The following ADAM23 variants were observed in gnomAD, a reference collection of about 807,000 sequenced individuals.
The protein encoded by ADAM23 is disintegrin and metalloproteinase domain-containing protein 23.
In ADAM23, 33 loss-of-function variants were observed where a neutral mutation model predicts 120.1. The ratio of observed to expected loss-of-function variants is 0.27; its 90% CI spans 0.21 to 0.37. The LOEUF is 0.37. Among genes scored for constraint, ADAM23 ranks in the 10% least tolerant of loss-of-function variants. The pLI is 1.00. For synonymous variants in ADAM23, 367 were observed against 375.2 expected, an observed-to-expected ratio of 0.98 and a Z score of 0.25; for missense variants, 862 against 1,058.2, an observed-to-expected ratio of 0.81 and a Z score of 2.57.
At chr2:206,449,865 C>T (rs777915647) in intron 2 of ADAM23, among the ~76,000 whole-genome samples, 24 of 152,154 alleles carry the variant, frequency 1.6e-4, no homozygotes, top group Non-Finnish European at 2.5e-4. Context: ...TGGAGATGCA[C>T]GATGCATAGC....
intron 16 of ADAM23, 96 bp downstream of exon 16, chr2:206,570,907 T>TA (rs1246591522): frequency 9.5e-7 from 1 of 1,054,548 alleles, no homozygotes; most frequent in Non-Finnish European, 1.4e-6. Context: ...ATTGTGGTCT[T>TA]ACTGCCTTTC....
intron 3 of ADAM23, among the ~76,000 whole-genome samples, chr2:206,526,312 T>C (rs551426537): frequency 6.6e-6 from 1 of 152,210 alleles, no homozygotes; most frequent in Non-Finnish European, 1.5e-5. Context: ...TGAAATTCTT[T>C]GAACATAGAT....
At chr2:206,599,530 CAG>C (rs1200851089) in intron 24 of ADAM23, among the ~76,000 whole-genome samples, 1 of 152,042 alleles carries the variant, frequency 6.6e-6, no homozygotes, top group East Asian at 1.9e-4. Flanking sequence ...ACTGGTAAAA[CAG>C]AAACTAAAAA....
chr2:206,555,735 A>G (rs1373864756), intron 9 of ADAM23, among the ~76,000 whole-genome samples: 1 of 152,202 alleles, frequency 6.6e-6, no homozygotes, highest in Non-Finnish European at 1.5e-5. Flanking sequence ...TAACAAATTA[A>G]TACTCAGAAG....
intron 2 of ADAM23, among the ~76,000 whole-genome samples, chr2:206,462,695 G>A (rs1695450852): frequency 6.6e-6 from 1 of 152,180 alleles, no homozygotes; most frequent in African/African-American, 2.4e-5. Flanking sequence ...GGGAGCTCCT[G>A]CTTGGCATAC....
intron 2 of ADAM23, among the ~76,000 whole-genome samples, chr2:206,451,037 C>A (rs957785081): frequency 7.2e-5 from 11 of 152,154 alleles, no homozygotes; most frequent in Non-Finnish European, 1.2e-4. Flanking sequence ...AGAGAATAAC[C>A]GTTGCCTAGG....
At chr2:206,588,453 T>C (rs563876554) in intron 20 of ADAM23, among the ~76,000 whole-genome samples, 3 of 152,340 alleles carry the variant, frequency 2.0e-5, no homozygotes, top group Admixed American at 1.3e-4. Context: ...CAGCCACTTG[T>C]GTGATTTATT....
intron 2 of ADAM23, among the ~76,000 whole-genome samples, chr2:206,456,434 A>G (rs1415030497): frequency 6.6e-6 from 1 of 152,052 alleles, no homozygotes; most frequent in Non-Finnish European, 1.5e-5. Context: ...GCCAAATCAT[A>G]TCAACCCTGG....
intron 13 of ADAM23, among the ~76,000 whole-genome samples, chr2:206,562,864 A>G (rs1697795695): frequency 6.6e-6 from 1 of 152,226 alleles, no homozygotes; most frequent in African/African-American, 2.4e-5. Context: ...AGGAGAACCA[A>G]TAGGGCCACA....
At chr2:206,581,253 T>C (rs746311232) in intron 18 of ADAM23, among the ~76,000 whole-genome samples, 2 of 151,608 alleles carry the variant, frequency 1.3e-5, no homozygotes, top group Non-Finnish European at 2.9e-5. Context: ...CTGTTTTCTT[T>C]CTTCCGCTGG....
chr2:206,467,784 G>C (rs754928908), intron 2 of ADAM23, among the ~76,000 whole-genome samples: 1 of 152,156 alleles, frequency 6.6e-6, no homozygotes, highest in Non-Finnish European at 1.5e-5. Context: ...TGAGGGCTCC[G>C]CCCCTGAAGC....
At chr2:206,523,070 C>A (rs1193036198) in intron 3 of ADAM23, among the ~76,000 whole-genome samples, 1 of 152,124 alleles carries the variant, frequency 6.6e-6, no homozygotes, top group Non-Finnish European at 1.5e-5. Flanking sequence ...CTGATCAAGC[C>A]AGCTGAGTGA....
chr2:206,547,431 A>G lies in ADAM23; in HGVS notation c.723A>G (p.Lys241=), dbSNP rs771966518. The change falls in exon 7 of 26, where the codon AAA becomes AAG. Residue 241 remains lysine, a splice_region_variant and synonymous_variant. Coordinates refer to ENST00000264377, the MANE Select transcript of ADAM23 (RefSeq NM_003812.4). ...TGCCTACAATTGTTTTGTTTCAGAAAAGCACAGGTCGACCACATATAATCC... is the reference window on the plus strand; with the variant it reads ...TGCCTACAATTGTTTTGTTTCAGAAGAGCACAGGTCGACCACATATAATCC... ...IEPLELVHDE[K]STGRPHIIQK... is the part of the protein sequence containing the mutation. 27 of 1,611,334 alleles carry G rather than the reference A, an allele frequency of 1.7e-5. No individual in the cohort carries two copies. The highest frequency in any genetic ancestry group is 2.2e-5 in the Non-Finnish European group (26 of 1,178,544).
intron 2 of ADAM23, among the ~76,000 whole-genome samples, chr2:206,477,922 A>ATATATATATATATATATATATATATATAT (rs1491552690): frequency 1.5e-5 from 2 of 137,158 alleles, no homozygotes; most frequent in African/African-American, 5.5e-5. Flanking sequence ...ATATATATAT[A>ATATATATATATATATATATATATATATAT]AAACAACAAT....
intron 3 of ADAM23, among the ~76,000 whole-genome samples, chr2:206,491,156 GCCCCTA>G (rs1482712794): frequency 1.3e-5 from 2 of 151,996 alleles, no homozygotes; most frequent in Admixed American, 6.6e-5. Context: ...CCCTCTGCCT[GCCCCTA>G]CCCCTGCTTG....
At chr2:206,612,203 CTG>C (rs2105866370) in intron 25 of ADAM23, among the ~76,000 whole-genome samples, 1 of 152,286 alleles carries the variant, frequency 6.6e-6, no homozygotes, top group East Asian at 1.9e-4. Context: ...TTAGTAGTAA[CTG>C]TGTGGTTTGT....
intron 24 of ADAM23, among the ~76,000 whole-genome samples, chr2:206,598,783 C>T (rs1286084747): frequency 6.6e-6 from 1 of 151,212 alleles, no homozygotes; most frequent in African/African-American, 2.4e-5. Flanking sequence ...GCCTATAATC[C>T]CAGCTACTTG....
In ADAM23 at chr2:206,557,357, C is replaced by CTTTTACAGCAT. The variant is rs1697666715; in HGVS notation, c.934-66_934-56dup. The CTTTTACAGCAT allele has an allele frequency of 3.2e-6, 4 of 1,250,046 alleles. No homozygotes were observed. In the Admixed American group the frequency reaches 6.8e-5, roughly 21 times the overall value. 77.4% of individuals were successfully genotyped at this position (1,250,046 alleles called of 1,614,324 possible). On this transcript the variant is annotated intron_variant, in intron 9 of 25. Transcript: ENST00000264377. ...TTCTACTATTACTGAGATATTTCTG[C>CTTTTACAGCAT]TTTTACAGCATTTTGAAATTTATTA...
At chr2:206,587,241 C>A (rs76058025) in intron 18 of ADAM23, 84 bp from the exon 19 acceptor site, 62,476 of 939,282 alleles carry the variant, frequency 0.067, 2,516 homozygotes, top group Middle Eastern at 0.14. Context: ...TATATATCCA[C>A]CATGCTTGCA....
Sources: allele counts gnomAD v4.1 joint callset (sites outside exome capture counted in the v4.1 genomes callset), GRCh38; gene constraint gnomAD v4.1.1; transcripts MANE v1.5; gene names NCBI Gene and HGNC (gene_info 2026-07-23, HGNC 2026-07-21).